The following EXO1 variants were observed in gnomAD, a reference collection of about 807,000 sequenced individuals.
EXO1 encodes the protein exonuclease 1.
EXO1 carries 69 observed loss-of-function variants against 84.5 expected under a neutral mutation model. The ratio of observed to expected loss-of-function variants is 0.82; its 90% CI spans 0.67 to 1.00. The LOEUF is 1.00. Ranked by LOEUF, EXO1 falls within the 50% of genes least tolerant of loss-of-function variation. The pLI is 0.00. For synonymous variants in EXO1, 373 were observed against 366.1 expected, an observed-to-expected ratio of 1.02 and a Z score of -0.21; for missense variants, 1,045 against 1,000.7, an observed-to-expected ratio of 1.04 and a Z score of -0.60.
rs4149964 is a variant in EXO1 at position 241,872,131 on chromosome 1, C to A, written c.1367C>A (p.Ser456Tyr). ...GAAGGCAATAAATCATTGAGCTTTT[C>A]TGAAGTGTTTGTGCCTGACCTGGTA... ...SSEGNKSLSFSEVFVPDLVNG... is the reference protein window; with the variant it reads ...SSEGNKSLSFYEVFVPDLVNG... The change falls in exon 12 of 16, where the codon TCT becomes TAT. Residue 456 changes from serine to tyrosine, a missense_variant. Transcript: ENST00000366548. 6.6e-4 allele frequency: 1,058 copies of A among 1,613,958 alleles called. 7 individuals are homozygous for A. The African/African-American group carries it at 0.013, about 19-fold the overall frequency.
rs577275890 is a variant in EXO1, at chr1:241,855,104, T to C, written c.405+1623T>C. Among the ~76,000 whole-genome samples, 25 of 152,298 alleles carry C rather than the reference T, an allele frequency of 1.6e-4. No individual in the cohort carries two copies. The East Asian group carries it at 2.1e-3, about 13-fold the overall frequency. Reference sequence around the variant, plus strand: ...AAAGAGCGAAAGAACAAAGCTTCCATGGTGTGGAAGGGGACCTAAGTGGGT... The same window carrying C: ...AAAGAGCGAAAGAACAAAGCTTCCACGGTGTGGAAGGGGACCTAAGTGGGT... On this transcript the variant is annotated intron_variant, in intron 6 of 15. Transcript: ENST00000366548.
chr1:241,853,500 T>A lies in EXO1; in HGVS notation c.405+19T>A. The A allele has an allele frequency of 6.2e-7, 1 of 1,613,788 alleles. No homozygotes were observed. Among genetic ancestry groups the A allele is most frequent in the Non-Finnish European group, 8.5e-7 (1 of 1,179,854 alleles). ...AATTAAAGTAAGACAAAGGGGCAGATGGGCAAGTTCACCAAAGCTAGTTAC... is the reference window on the plus strand; with the variant it reads ...AATTAAAGTAAGACAAAGGGGCAGAAGGGCAAGTTCACCAAAGCTAGTTAC... On this transcript the variant is annotated intron_variant, in intron 6 of 15. Coordinates refer to ENST00000366548, the MANE Select transcript of EXO1 (RefSeq NM_130398.4).
chr1:241,855,321 C>T (rs576006399), intron 6 of EXO1, among the ~76,000 whole-genome samples: 4 of 152,204 alleles, frequency 2.6e-5, no homozygotes, highest in African/African-American at 9.6e-5. Context: ...CAAAGGTTCT[C>T]CAAGGCCCCA....
chr1:241,866,772 A>G (rs1344353907), intron 10 of EXO1, 58 bp from the exon 11 acceptor site: 1 of 1,243,906 alleles, frequency 8.0e-7, no homozygotes, highest in Non-Finnish European at 1.2e-6. Flanking sequence ...TTGATACAGA[A>G]GGAAATAAAT....
chr1:241,883,273 A>G (rs1362519623), intron 14 of EXO1, among the ~76,000 whole-genome samples: 3 of 152,238 alleles, frequency 2.0e-5, no homozygotes, highest in Non-Finnish European at 4.4e-5. Context: ...ATGGGTTGCT[A>G]TAACAGAATA....
In EXO1 at chr1:241,858,579, T is replaced by C; in HGVS notation, c.617T>C (p.Leu206Pro). The part of the protein sequence containing the change: ...DQARLGMCRQ[L>P]GDVFTEEKFR... ...GCTCGGCTAGGAATGTGCAGACAGC[T>C]TGGGGATGTATTCACGGAAGAGAAG... The change falls in exon 8 of 16, where the codon CTT becomes CCT. Residue 206 changes from leucine to proline, a missense_variant. By Grantham distance (98) the Leu-to-Pro change is moderately conservative. Coordinates refer to ENST00000366548, the MANE Select transcript of EXO1 (RefSeq NM_130398.4). 6.2e-7 allele frequency: 1 copy of C among 1,614,134 alleles called. No homozygotes were observed. The highest frequency in any genetic ancestry group is 1.1e-5 in the South Asian group (1 of 91,086).
Position 241,885,385 on chromosome 1 carries a change from C to T in EXO1, c.2283C>T (p.Ala761=). ...CCAAGATCAAACCTCTAGGACCTGCCAGAGCCAGTGGGCTGAGCAAGAAGC... is the reference window on the plus strand; with the variant it reads ...CCAAGATCAAACCTCTAGGACCTGCTAGAGCCAGTGGGCTGAGCAAGAAGC... ...STTKIKPLGP[A]RASGLSKKPA... The change falls in exon 15 of 16, where the codon GCC becomes GCT. Residue 761 remains alanine (A), a synonymous_variant. Transcript: ENST00000366548. 6.2e-7 allele frequency: 1 copy of T among 1,613,730 alleles called. No homozygotes were observed. Among genetic ancestry groups the T allele is most frequent in the Non-Finnish European group, 8.5e-7 (1 of 1,179,802 alleles).
intron 12 of EXO1, among the ~76,000 whole-genome samples, chr1:241,873,593 TATTA>T: frequency 6.6e-6 from 1 of 152,296 alleles, no homozygotes; most frequent in Middle Eastern, 3.4e-3. Flanking sequence ...GGAGCTGTAA[TATTA>T]ATTGAGAACC....
chr1:241,864,716 T>G (rs1661608036), intron 10 of EXO1, among the ~76,000 whole-genome samples: 1 of 152,238 alleles, frequency 6.6e-6, no homozygotes, highest in South Asian at 2.1e-4. Context: ...ATCTATGTTC[T>G]ATCTTCACCG....
At chr1:241,869,776 CT>C in intron 11 of EXO1, among the ~76,000 whole-genome samples, 1 of 29,844 alleles carries the variant, frequency 3.4e-5, no homozygotes, top group African/African-American at 1.3e-4. Context: ...CCCTCCCTCC[CT>C]CCTTCCTTCC....
At chr1:241,863,894 A>G (rs1304495593) in intron 10 of EXO1, among the ~76,000 whole-genome samples, 1 of 152,250 alleles carries the variant, frequency 6.6e-6, no homozygotes, top group Admixed American at 6.5e-5. Flanking sequence ...CTTTTCTATC[A>G]GTGCAGGAAA....
At position 241,889,662 on chromosome 1, in the gene EXO1, G is replaced by T. The variant is rs1040217538; in HGVS notation, c.*62G>T. The T allele has an allele frequency of 7.9e-6, 12 of 1,523,206 alleles. No individual in the cohort carries two copies. The African/African-American group carries it at 1.5e-4, about 19-fold the overall frequency. 94.4% of individuals were successfully genotyped at this position (1,523,206 alleles called of 1,614,324 possible). Reference sequence around the variant, plus strand: ...TCTGATCAATTTGAAGTCCCTGTTTGGGAATGAGGCACTTATCAGCATGAA... The same window carrying T: ...TCTGATCAATTTGAAGTCCCTGTTTTGGAATGAGGCACTTATCAGCATGAA... On this transcript the variant is annotated 3_prime_UTR_variant, in exon 16 of 16. Transcript: ENST00000366548.
At chr1:241,855,069 G>T (rs981445990) in intron 6 of EXO1, among the ~76,000 whole-genome samples, 2 of 152,210 alleles carry the variant, frequency 1.3e-5, no homozygotes, top group African/African-American at 2.4e-5. Flanking sequence ...GCAGTAGCAA[G>T]ATGTATTGCA....
chr1:241,863,446 A>G (rs530340793), intron 10 of EXO1, among the ~76,000 whole-genome samples: 12 of 152,088 alleles, frequency 7.9e-5, no homozygotes, highest in African/African-American at 2.6e-4. Flanking sequence ...TGTAGAAAAA[A>G]GTGATATATT....
chr1:241,885,528 T>C (rs1365684698), intron 15 of EXO1, 21 bp downstream of exon 15: 1 of 1,542,854 alleles, frequency 6.5e-7, no homozygotes, highest in Non-Finnish European at 9.0e-7. Context: ...TTGTTTCTTA[T>C]TCTGAAACAA....
chr1:241,882,065 C>A, intron 14 of EXO1, 48 bp downstream of exon 14: 2 of 869,668 alleles, frequency 2.3e-6, no homozygotes, highest in Admixed American at 1.9e-5. Flanking sequence ...GCGGTGTATG[C>A]TTACAACTAG....
At chr1:241,875,719 G>T (rs575794774) in intron 12 of EXO1, among the ~76,000 whole-genome samples, 3 of 151,968 alleles carry the variant, frequency 2.0e-5, no homozygotes, top group Non-Finnish European at 4.4e-5. Flanking sequence ...TCTACTAAAA[G>T]TACAAAAAAT....
Position 241,872,154 on chromosome 1 carries a change from G to T in EXO1, c.1390G>T (p.Val464Leu). 2.5e-6 allele frequency: 4 copies of T among 1,614,022 alleles called. No individual in the cohort carries two copies. Among genetic ancestry groups the T allele is most frequent in the Non-Finnish European group, 2.5e-6 (3 of 1,179,996 alleles). Residue 464 changes from valine (V) to leucine (L), a missense_variant, in exon 12 of 16, where the codon GTA (valine) becomes TTA (leucine). Transcript: ENST00000366548. ...TTCTGAAGTGTTTGTGCCTGACCTG[G>T]TAAATGGACCTACTAACAAAAAGAG... is the stretch of plus-strand genomic sequence containing the variant. ...SFSEVFVPDL[V>L]NGPTNKKSVS...
Position 241,879,246 on chromosome 1 carries a change from C to T in EXO1, c.2012C>T (p.Ala671Val). Residue 671 changes from alanine to valine, a missense_variant, in exon 13 of 16, where the codon GCA (alanine) becomes GTA (valine). Ala to Val is a moderately conservative substitution (Grantham distance 64, BLOSUM62 0). Transcript: ENST00000366548. ...DDESHPLREE[A>V]CSSQSQESGE... is the part of the protein sequence containing the mutation. Reference sequence around the variant, plus strand: ...GAGTCTCATCCCTTACGAGAAGAGGCATGTTCTTCACAGTCCCAGGAAAGT... The same window carrying T: ...GAGTCTCATCCCTTACGAGAAGAGGTATGTTCTTCACAGTCCCAGGAAAGT... 1 of 1,599,066 alleles carries T rather than the reference C, an allele frequency of 6.3e-7. No individual in the cohort carries two copies. Among genetic ancestry groups the T allele is most frequent in the South Asian group, 1.1e-5 (1 of 88,252 alleles).
Sources: gnomAD v4.1 joint callset for allele counts (sites outside exome capture counted in the v4.1 genomes callset) on GRCh38, gnomAD v4.1.1 for gene constraint, MANE v1.5 for transcripts, NCBI Gene and HGNC (gene_info 2026-07-23, HGNC 2026-07-21) for gene names.